Variants in ISOC2 observed in about 807,000 individuals in gnomAD.
The protein encoded by ISOC2 is isochorismatase domain-containing protein 2.
In ISOC2, 15 loss-of-function variants were observed where a neutral mutation model predicts 19.3. The observed-to-expected ratio is 0.78, with a 90% CI of 0.52 to 1.20. The LOEUF (loss-of-function observed/expected upper bound fraction) is 1.20. Among genes scored for constraint, ISOC2 ranks in the 50% most tolerant of loss-of-function variants. The pLI, the probability that ISOC2 is intolerant of heterozygous loss-of-function variation, is 0.00. For missense variants in ISOC2, 285 were observed against 272.4 expected (o/e 1.05, Z -0.33); for synonymous variants, 106 against 115.8 (o/e 0.92, Z 0.54).
chr19:55,458,224 G>GGTCAGAGCGTCTACGCT (rs932776805), intron 1 of ISOC2, among the ~76,000 whole-genome samples: 3 of 152,136 alleles, frequency 2.0e-5, no homozygotes, highest in African/African-American at 7.2e-5. Context: ...ACTTCCACTC[G>GGTCAGAGCGTCTACGCT]GTCAGAGCGT....
rs755052223 is a variant in ISOC2, at chr19:55,453,321, G to A, written c.605C>T (p.Ser202Phe). 2 of 1,606,990 alleles carry A rather than the reference G, an allele frequency of 1.2e-6. No homozygotes were observed. Among genetic ancestry groups the A allele is most frequent in the Admixed American group, 1.7e-5 (1 of 58,406 alleles). Residue 202 changes from serine (S) to phenylalanine (F), a missense_variant, in exon 6 of 6, where the codon TCC becomes TTC. Transcript: ENST00000425675. ...CAGGGTTGGAGTTCAGTGGAGGAGG[G>A]AGTTCTGGCCTTGGAAGAGGCCCAG... ...GLLGLFQGQN[S>F]LLH is the part of the protein sequence containing the mutation.
At chr19:55,454,668 C>A (rs529030726) in intron 5 of ISOC2, 8 of 372,390 alleles carry the variant, frequency 2.1e-5, no homozygotes, top group Non-Finnish European at 3.5e-5. Flanking sequence ...CCCCAGTGTC[C>A]GCCTGGTCAC....
At chr19:55,455,899 CT>C in intron 2 of ISOC2, 54 bp from the exon 3 acceptor site, 3 of 1,393,058 alleles carry the variant, frequency 2.2e-6, no homozygotes, top group Non-Finnish European at 1.9e-6. Flanking sequence ...GGGGCTGGGC[CT>C]GGACTCCTGG....
At position 55,453,194 on chromosome 19, in the gene ISOC2, G is replaced by C. The variant is rs1001734161; in HGVS notation, c.*114C>G. 1.5e-6 allele frequency: 1 copy of C among 658,374 alleles called. No homozygotes were observed. Among genetic ancestry groups the C allele is most frequent in the South Asian group, 2.4e-5 (1 of 42,176 alleles). The allele number at this position is 658,374 out of a possible 1,614,324, so 40.8% of individuals were successfully genotyped here. A position where few individuals can be genotyped will look rare whatever the true frequency, so the allele number is the denominator to read the frequency against. On this transcript the variant is annotated 3_prime_UTR_variant, in exon 6 of 6. Coordinates refer to ENST00000425675, the MANE Select transcript of ISOC2 (RefSeq NM_001136201.2). ...GCAGCACCCTGCCCCCCCCACAAGG[G>C]GGCGGCACTCCTGGTGGATCGCACC...
intron 1 of ISOC2, 66 bp from the exon 2 acceptor site, chr19:55,456,555 C>G: frequency 5.1e-6 from 8 of 1,584,046 alleles, no homozygotes; most frequent in Admixed American, 1.7e-5. Context: ...CAGCTGGCGT[C>G]CAGGTCCTCA....
chr19:55,454,740 A>G (rs1382070303), intron 5 of ISOC2: 1 of 542,734 alleles, frequency 1.8e-6, no homozygotes, highest in Non-Finnish European at 3.3e-6. Flanking sequence ...CCTCCAATAC[A>G]AACCCCCTCC....
chr19:55,453,247 C>T lies in ISOC2; in HGVS notation c.*61G>A, dbSNP rs564066568. 8 of 1,246,962 alleles carry T rather than the reference C, an allele frequency of 6.4e-6. No homozygotes were observed. Among genetic ancestry groups the T allele is most frequent in the Middle Eastern group, 1.9e-4 (1 of 5,252 alleles). 77.2% of individuals were successfully genotyped at this position (1,246,962 alleles called of 1,614,324 possible). On this transcript the variant is annotated 3_prime_UTR_variant, in exon 6 of 6. Transcript: ENST00000425675. Reference sequence around the variant, plus strand: ...TCTTGGGATCCAGGGATGGGGGGAACGGGCTTCCACTGAGGTCCGGGTGAC... The same window carrying T: ...TCTTGGGATCCAGGGATGGGGGGAATGGGCTTCCACTGAGGTCCGGGTGAC...
At chr19:55,455,528 TG>T (rs35627652) in intron 3 of ISOC2, 107 bp downstream of exon 3, 172,904 of 1,095,718 alleles carry the variant, frequency 0.16, 14,992 homozygotes, top group Admixed American at 0.25. Context: ...CAGGTCAGGA[TG>T]GGGGTCCTGC....
In ISOC2 at chr19:55,455,290, T is replaced by C; in HGVS notation, c.389A>G (p.His130Arg). 9 of 1,613,634 alleles carry C rather than the reference T, an allele frequency of 5.6e-6. No individual in the cohort carries two copies. The highest frequency in any genetic ancestry group is 7.6e-6 in the Non-Finnish European group (9 of 1,179,778). The change falls in exon 4 of 6, where the codon CAT becomes CGT. Residue 130 changes from histidine (H) to arginine (R), a missense_variant. His to Arg is a conservative substitution (Grantham distance 29). Coordinates refer to ENST00000425675, the MANE Select transcript of ISOC2 (RefSeq NM_001136201.2). ...LDLLDRGLQV[H>R]VVVDACSSRS... Reference sequence around the variant, plus strand: ...TGAGGAGCAGGCGTCCACCACCACATGGACCTGCAGCCCCCGGTCTAGGAG... The same window carrying C: ...TGAGGAGCAGGCGTCCACCACCACACGGACCTGCAGCCCCCGGTCTAGGAG...
chr19:55,456,436 G>A lies in ISOC2; in HGVS notation c.51C>T (p.Val17=), dbSNP rs1236993555. ...TCTCCTGCATGTCACACAGGAACAG[G>A]ACAGAGGATCCTGGGAGGACTCGGC... ...SLGRVLPGSS[V]LFLCDMQEKF... is the part of the protein sequence containing the mutation. The change falls in exon 2 of 6, where the codon GTC becomes GTT. Residue 17 remains valine (V), a synonymous_variant. Transcript: ENST00000425675. 13 of 1,613,750 alleles carry A rather than the reference G, an allele frequency of 8.1e-6. No homozygotes were observed. Among genetic ancestry groups the A allele is most frequent in the East Asian group, 2.2e-5 (1 of 44,880 alleles).
At chr19:55,458,761 C>T (rs911788063) in intron 1 of ISOC2, among the ~76,000 whole-genome samples, 19 of 151,892 alleles carry the variant, frequency 1.3e-4, no homozygotes, top group Middle Eastern at 3.4e-3. Context: ...CTCCTGACCT[C>T]GTGATCCACC....
chr19:55,461,342 A>G (rs946532742), intron 1 of ISOC2, among the ~76,000 whole-genome samples, 170 bp downstream of exon 1: 1 of 151,958 alleles, frequency 6.6e-6, no homozygotes, highest in Non-Finnish European at 1.5e-5. Flanking sequence ...GGCAGGCGCG[A>G]CCCGGGGACG....
In ISOC2 at chr19:55,454,919, TATTCTCAGAGCCCAAAGACA is replaced by T. The variant is rs1463675350; in HGVS notation, c.537+50_537+69del. 4.2e-6 allele frequency: 5 copies of T among 1,185,294 alleles called. No individual in the cohort carries two copies. The African/African-American group carries it at 7.5e-5, about 18-fold the overall frequency. The allele number at this position is 1,185,294 out of a possible 1,614,324, so 73.4% of individuals were successfully genotyped here. Reference sequence around the variant, plus strand: ...GCGGCAGCCTGCTGGTGCCGAGATGTATTCTCAGAGCCCAAAGACAAGACCTTTGACAGATGCAGGGGAGG... The same window carrying T: ...GCGGCAGCCTGCTGGTGCCGAGATGTAGACCTTTGACAGATGCAGGGGAGG... On this transcript the variant is annotated intron_variant, in intron 5 of 5. Coordinates refer to ENST00000425675, the MANE Select transcript of ISOC2 (RefSeq NM_001136201.2).
chr19:55,456,551 G>A lies in ISOC2; in HGVS notation c.-3-62C>T, dbSNP rs1366175244. 3 of 1,588,704 alleles carry A rather than the reference G, an allele frequency of 1.9e-6. No homozygotes were observed. In the East Asian group the frequency reaches 6.7e-5, roughly 36 times the overall value. On this transcript the variant is annotated intron_variant, in intron 1 of 5. Coordinates refer to ENST00000425675, the MANE Select transcript of ISOC2 (RefSeq NM_001136201.2). ...GGGCTCCTCTCAGTGTCTCCAGCTG[G>A]CGTCCAGGTCCTCACACTCAGAGCC... is the stretch of plus-strand genomic sequence containing the variant.
At chr19:55,459,217 G>A (rs1453841392) in intron 1 of ISOC2, among the ~76,000 whole-genome samples, 2 of 152,176 alleles carry the variant, frequency 1.3e-5, no homozygotes, top group African/African-American at 2.4e-5. Context: ...GATTACAAGC[G>A]TGAGCCACCG....
At position 55,458,078 on chromosome 19, in the gene ISOC2, A is replaced by C. The variant is rs1986120070; in HGVS notation, c.-3-1589T>G. On this transcript the variant is annotated intron_variant, in intron 1 of 5. Coordinates refer to ENST00000425675, the MANE Select transcript of ISOC2 (RefSeq NM_001136201.2). ...CACAATTAAAAAAAAAAAAGAAAAG[A>C]AAGAAAAGAAGAGAAAGAAAAAAAG... 2.0e-5 allele frequency among the ~76,000 whole-genome samples: 3 copies of C among 151,680 alleles called. No homozygotes were observed. In the South Asian group the frequency reaches 6.2e-4, roughly 32 times the overall value.
chr19:55,453,049 C>T lies in ISOC2; in HGVS notation c.*259G>A. ...ACAGTCTGAGACTCTTCTTCCCCTC[C>T]CCTTCCCGCCCCGTGAAGTGGCCCG... On this transcript the variant is annotated 3_prime_UTR_variant, in exon 6 of 6. Transcript: ENST00000425675. The T allele has an allele frequency of 2.3e-6, 1 of 444,186 alleles. No individual in the cohort carries two copies. The highest frequency in any genetic ancestry group is 4.0e-6 in the Non-Finnish European group (1 of 250,786). 27.5% of individuals were successfully genotyped at this position (444,186 alleles called of 1,614,324 possible).
At chr19:55,458,259 G>A (rs1413343891) in intron 1 of ISOC2, among the ~76,000 whole-genome samples, 2 of 152,122 alleles carry the variant, frequency 1.3e-5, no homozygotes, top group African/African-American at 2.4e-5. Context: ...CGTCTACACC[G>A]CAGGGGCCCT....
chr19:55,457,404 G>A (rs993187093), intron 1 of ISOC2, among the ~76,000 whole-genome samples: 57 of 152,042 alleles, frequency 3.7e-4, no homozygotes, highest in African/African-American at 1.3e-3. Flanking sequence ...AGGCAGTGGC[G>A]GGTGCCTGTA....
Sources: gnomAD v4.1 joint callset for allele counts (sites outside exome capture counted in the v4.1 genomes callset) on GRCh38, gnomAD v4.1.1 for gene constraint, MANE v1.5 for transcripts, NCBI Gene and HGNC (gene_info 2026-07-23, HGNC 2026-07-21) for gene names.